IL1RL1: variants seen among roughly 807,000 people sequenced by gnomAD.
IL1RL1 encodes the protein interleukin-1 receptor-like 1.
A neutral mutation model predicts 50.9 loss-of-function variants in IL1RL1; 32 were observed. The observed-to-expected ratio is 0.63, with a 90% CI of 0.47 to 0.84. The LOEUF is 0.84. IL1RL1 is among the 40% of genes least tolerant of loss of function. IL1RL1 has a pLI of 0.00. For synonymous variants in IL1RL1, 275 were observed against 236.0 expected (o/e 1.17, Z -1.51); for missense variants, 773 against 662.9 (o/e 1.17, Z -1.82).
chr2:102,313,899 G>A (rs549745128), intron 1 of IL1RL1, among the ~76,000 whole-genome samples: 38 of 152,294 alleles, frequency 2.5e-4, no homozygotes, highest in African/African-American at 8.2e-4. Flanking sequence ...TGGTGGAAAA[G>A]ATCCCTCTGG....
At chr2:102,325,168 A>G (rs1393055495) in intron 1 of IL1RL1, among the ~76,000 whole-genome samples, 1 of 151,752 alleles carries the variant, frequency 6.6e-6, no homozygotes, top group African/African-American at 2.4e-5. Context: ...CAGAGGAACG[A>G]TCAGGCAGCA....
intron 1 of IL1RL1, among the ~76,000 whole-genome samples, chr2:102,314,303 C>T (rs1006889225): frequency 2.0e-5 from 3 of 152,164 alleles, no homozygotes; most frequent in African/African-American, 4.8e-5. Context: ...GTACTTCCAA[C>T]CAATGCTTGT....
intron 1 of IL1RL1, among the ~76,000 whole-genome samples, chr2:102,312,011 A>ATATATAATATATTTATATATAT (rs1553659812): frequency 2.7e-5 from 1 of 36,966 alleles, no homozygotes; most frequent in African/African-American, 1.3e-4. Flanking sequence ...ATTTATATAT[A>ATATATAATATATTTATATATAT]TTATATATAA....
chr2:102,328,879 G>A (rs1459759914), intron 1 of IL1RL1, among the ~76,000 whole-genome samples: 2 of 152,154 alleles, frequency 1.3e-5, no homozygotes, highest in African/African-American at 4.8e-5. Flanking sequence ...CTCATAGGTA[G>A]GAAGACTCAA....
Position 102,340,291 on chromosome 2 carries a change from G to A in IL1RL1, c.447+19G>A. The A allele has an allele frequency of 1.9e-6, 3 of 1,564,744 alleles. No individual in the cohort carries two copies. Among genetic ancestry groups the A allele is most frequent in the Middle Eastern group, 3.5e-4 (2 of 5,738 alleles). On this transcript the variant is annotated intron_variant, in intron 4 of 10. Coordinates refer to ENST00000233954, the MANE Select transcript of IL1RL1 (RefSeq NM_016232.5). Reference sequence around the variant, plus strand: ...GTTTAAGGTAAGAAGAAATTTGGAAGGAAATAGATGAAAATTACACAATTA... The same window carrying A: ...GTTTAAGGTAAGAAGAAATTTGGAAAGAAATAGATGAAAATTACACAATTA...
At chr2:102,338,456 G>A (rs1677414428) in intron 2 of IL1RL1, 131 bp downstream of exon 2, 2 of 543,604 alleles carry the variant, frequency 3.7e-6, no homozygotes, top group South Asian at 5.9e-5. Context: ...TATTGCTTTT[G>A]TACAATCATT....
Position 102,351,725 on chromosome 2 carries a change from A to G in IL1RL1, c.1475A>G (p.Gln492Arg). ...MEALSELDML[Q>R]AEALQDSLQH... ...GCTCTGAGCGAGCTGGACATGCTGC[A>G]GGCTGAGGCGCTTCAGGACTCCCTC... The change falls in exon 11 of 11, where the codon CAG becomes CGG. Residue 492 changes from glutamine (Q) to arginine (R), a missense_variant. By Grantham distance (43) the Gln-to-Arg change is conservative. Coordinates refer to ENST00000233954, the MANE Select transcript of IL1RL1 (RefSeq NM_016232.5). 6.2e-7 allele frequency: 1 copy of G among 1,614,130 alleles called. No individual in the cohort carries two copies. Among genetic ancestry groups the G allele is most frequent in the African/African-American group, 1.3e-5 (1 of 75,022 alleles).
intron 1 of IL1RL1, among the ~76,000 whole-genome samples, chr2:102,333,507 TGGA>T (rs1373546174): frequency 6.6e-6 from 1 of 152,208 alleles, no homozygotes; most frequent in African/African-American, 2.4e-5. Flanking sequence ...GCAAGGAGGC[TGGA>T]GGAGATCAGA....
intron 1 of IL1RL1, among the ~76,000 whole-genome samples, chr2:102,320,530 C>A (rs80039444): frequency 6.6e-6 from 1 of 152,246 alleles, no homozygotes; most frequent in East Asian, 1.9e-4. Context: ...AGATATTCAT[C>A]CTACTGATGG....
chr2:102,329,366 G>A (rs1435265470), intron 1 of IL1RL1, among the ~76,000 whole-genome samples: 1 of 152,128 alleles, frequency 6.6e-6, no homozygotes, highest in African/African-American at 2.4e-5. Flanking sequence ...TGAAATTTTA[G>A]ACCTAAAACC....
intron 1 of IL1RL1, among the ~76,000 whole-genome samples, chr2:102,324,163 A>G (rs1676923447): frequency 6.6e-6 from 1 of 152,118 alleles, no homozygotes; most frequent in African/African-American, 2.4e-5. Context: ...TTTTGTGTGC[A>G]TAAGTTTTTA....
intron 5 of IL1RL1, among the ~76,000 whole-genome samples, chr2:102,342,010 A>C (rs1473252095): frequency 2.6e-5 from 4 of 151,750 alleles, no homozygotes; most frequent in Non-Finnish European, 4.4e-5. Flanking sequence ...CATCATAGGT[A>C]ATAAAAGAAA....
At chr2:102,320,727 C>T (rs1464221538) in intron 1 of IL1RL1, among the ~76,000 whole-genome samples, 1 of 152,138 alleles carries the variant, frequency 6.6e-6, no homozygotes, top group African/African-American at 2.4e-5. Context: ...TCAAGAAGTC[C>T]TACTAGTTCT....
intron 3 of IL1RL1, 77 bp downstream of exon 3, chr2:102,339,124 C>T: frequency 1.0e-6 from 1 of 959,434 alleles, no homozygotes; most frequent in South Asian, 1.3e-5. Context: ...GCTGCCCTTG[C>T]TTTCATTCCT....
chr2:102,344,625 C>A, intron 8 of IL1RL1: 1 of 324,970 alleles, frequency 3.1e-6, no homozygotes, highest in African/African-American at 2.2e-5. Flanking sequence ...AGGGCAGGGA[C>A]ATCATCTCTT....
intron 1 of IL1RL1, among the ~76,000 whole-genome samples, chr2:102,327,720 T>C (rs147878849): frequency 0.028 from 4,229 of 152,192 alleles, 176 homozygotes; most frequent in African/African-American, 0.096. Context: ...GAGAATACTA[T>C]AAACACCTCT....
At chr2:102,323,376 G>A (rs1397218327) in intron 1 of IL1RL1, among the ~76,000 whole-genome samples, 1 of 151,460 alleles carries the variant, frequency 6.6e-6, no homozygotes, top group East Asian at 1.9e-4. Context: ...TTTGATACAT[G>A]TATACTCCAT....
intron 6 of IL1RL1, 37 bp from the exon 7 acceptor site, chr2:102,342,999 G>C (rs532769660): frequency 6.3e-7 from 1 of 1,595,040 alleles, no homozygotes; most frequent in African/African-American, 1.4e-5. Context: ...AGTCGCAGAA[G>C]TTAATTTTAT....
chr2:102,315,797 G>A (rs1011312293), intron 1 of IL1RL1, among the ~76,000 whole-genome samples: 2 of 152,142 alleles, frequency 1.3e-5, no homozygotes, highest in Admixed American at 6.5e-5. Flanking sequence ...CCTATGCAAA[G>A]TGAATAACCT....
Sources: allele counts gnomAD v4.1 joint callset (sites outside exome capture counted in the v4.1 genomes callset), GRCh38; gene constraint gnomAD v4.1.1; transcripts MANE v1.5; gene names NCBI Gene and HGNC (gene_info 2026-07-23, HGNC 2026-07-21).